Variants in CDH13 observed in about 807,000 individuals in gnomAD.
CDH13 encodes cadherin 13.
A neutral mutation model predicts 63.8 loss-of-function variants in CDH13; 24 were observed. The ratio of observed to expected loss-of-function variants is 0.38; its 90% CI spans 0.27 to 0.53. CDH13 has a LOEUF of 0.53. Among genes scored for constraint, CDH13 ranks in the 20% least tolerant of loss-of-function variants. The pLI, the probability that CDH13 is intolerant of heterozygous loss-of-function variation, is 0.85. For missense variants in CDH13, 1,049 were observed against 903.1 expected, an observed-to-expected ratio of 1.16 and a Z score of -2.07; for synonymous variants, 503 against 355.3, an observed-to-expected ratio of 1.42 and a Z score of -4.67.
intron 7 of CDH13, among the ~76,000 whole-genome samples, chr16:83,593,594 G>C (rs1906968535): frequency 6.6e-6 from 1 of 151,108 alleles, no homozygotes; most frequent in Non-Finnish European, 1.5e-5. Flanking sequence ...TTATGTAATA[G>C]TGTATAAACA....
chr16:82,872,494 A>G (rs966682935), intron 2 of CDH13, among the ~76,000 whole-genome samples: 8 of 152,244 alleles, frequency 5.3e-5, no homozygotes, highest in African/African-American at 1.4e-4. Context: ...GGCTGCTTTA[A>G]TAAGTAAGGC....
intron 1 of CDH13, among the ~76,000 whole-genome samples, chr16:82,812,183 C>T (rs1196859559): frequency 6.6e-6 from 1 of 152,094 alleles, no homozygotes; most frequent in Admixed American, 6.6e-5. Flanking sequence ...GGCAGATGGC[C>T]CCTCTTCGAA....
chr16:83,021,496 G>C (rs1486808501), intron 2 of CDH13, among the ~76,000 whole-genome samples: 1 of 152,186 alleles, frequency 6.6e-6, no homozygotes. Flanking sequence ...TTTAATGGTA[G>C]GTGGAGAAAA....
chr16:82,631,887 A>C (rs1451228728), intron 1 of CDH13, among the ~76,000 whole-genome samples: 1 of 152,120 alleles, frequency 6.6e-6, no homozygotes, highest in Non-Finnish European at 1.5e-5. Flanking sequence ...ACCTCGAGAC[A>C]TCTGCTTGGT....
chr16:83,461,030 A>C (rs1421860754), intron 6 of CDH13, among the ~76,000 whole-genome samples: 1 of 139,596 alleles, frequency 7.2e-6, no homozygotes, highest in Admixed American at 7.2e-5. Flanking sequence ...CAGAACAAAC[A>C]CTGCAGATAG....
intron 1 of CDH13, among the ~76,000 whole-genome samples, chr16:82,798,115 G>A (rs1476104602): frequency 6.6e-6 from 1 of 152,140 alleles, no homozygotes; most frequent in East Asian, 1.9e-4. Flanking sequence ...GTCTGAATTG[G>A]ATATGAAAGA....
chr16:83,511,893 T>G (rs902519321), intron 7 of CDH13, among the ~76,000 whole-genome samples: 2 of 152,138 alleles, frequency 1.3e-5, no homozygotes, highest in African/African-American at 4.8e-5. Context: ...GGCATGTTAT[T>G]TAACCTCTCA....
chr16:83,210,621 G>A (rs2039312282), intron 4 of CDH13, among the ~76,000 whole-genome samples: 1 of 152,046 alleles, frequency 6.6e-6, no homozygotes, highest in African/African-American at 2.4e-5. Flanking sequence ...GGGTTAAGGA[G>A]CAGAGGATAG....
intron 4 of CDH13, among the ~76,000 whole-genome samples, chr16:83,192,069 T>C (rs2038735109): frequency 6.6e-6 from 1 of 152,176 alleles, no homozygotes; most frequent in South Asian, 2.1e-4. Context: ...TCTGCACGGA[T>C]ACTCGGTCAC....
intron 1 of CDH13, among the ~76,000 whole-genome samples, chr16:82,798,384 C>T (rs2036690861): frequency 6.6e-6 from 1 of 152,116 alleles, no homozygotes; most frequent in South Asian, 2.1e-4. Context: ...TGAAAGCTTT[C>T]TTTTTTCCCC....
chr16:82,638,959 G>C (rs752368376), intron 1 of CDH13, among the ~76,000 whole-genome samples: 1 of 152,152 alleles, frequency 6.6e-6, no homozygotes, highest in Non-Finnish European at 1.5e-5. Context: ...GCAACCCTTA[G>C]AGGCGACTCT....
chr16:83,277,552 A>G (rs1196392612), intron 5 of CDH13, among the ~76,000 whole-genome samples: 3 of 152,184 alleles, frequency 2.0e-5, no homozygotes, highest in African/African-American at 7.2e-5. Flanking sequence ...CATGAGGTCA[A>G]GACTATTTTC....
chr16:83,041,190 A>G (rs1438318098), intron 3 of CDH13, among the ~76,000 whole-genome samples: 1 of 152,258 alleles, frequency 6.6e-6, no homozygotes, highest in Non-Finnish European at 1.5e-5. Context: ...AGTTGCTTCA[A>G]TTAAATGCAA....
chr16:83,746,515 G>A (rs1448025778), intron 10 of CDH13, among the ~76,000 whole-genome samples: 1 of 152,200 alleles, frequency 6.6e-6, no homozygotes, highest in Non-Finnish European at 1.5e-5. Context: ...AGGATTAGGA[G>A]GTAGATATCT....
At chr16:83,072,969 C>T (rs1408228633) in intron 3 of CDH13, among the ~76,000 whole-genome samples, 2 of 152,138 alleles carry the variant, frequency 1.3e-5, no homozygotes, top group South Asian at 4.1e-4. Flanking sequence ...TGTGGCCTTT[C>T]AGAGAGTAGT....
At chr16:83,707,200 C>A (rs1051233359) in intron 10 of CDH13, among the ~76,000 whole-genome samples, 2 of 152,206 alleles carry the variant, frequency 1.3e-5, no homozygotes, top group East Asian at 3.8e-4. Context: ...TAAAATATTT[C>A]CCTTCCTGCC....
chr16:83,672,930 A>G (rs1379594918), intron 9 of CDH13, among the ~76,000 whole-genome samples: 4 of 152,302 alleles, frequency 2.6e-5, no homozygotes, highest in Non-Finnish European at 5.9e-5. Flanking sequence ...TATGACTTTT[A>G]CAGCTTCGAA....
intron 8 of CDH13, among the ~76,000 whole-genome samples, chr16:83,650,243 A>T (rs1015257513): frequency 6.6e-6 from 1 of 152,252 alleles, no homozygotes; most frequent in Non-Finnish European, 1.5e-5. Flanking sequence ...TTCTTCTTTT[A>T]TAAAAGGGAT....
intron 1 of CDH13, among the ~76,000 whole-genome samples, chr16:82,856,184 G>C (rs1446762984): frequency 6.6e-6 from 1 of 151,764 alleles, no homozygotes; most frequent in Non-Finnish European, 1.5e-5. Context: ...AGACCATCCT[G>C]GCGAACACTG....
Sources: gnomAD v4.1 joint callset for allele counts (sites outside exome capture counted in the v4.1 genomes callset) on GRCh38, gnomAD v4.1.1 for gene constraint, MANE v1.5 for transcripts, NCBI Gene and HGNC (gene_info 2026-07-23, HGNC 2026-07-21) for gene names.